Variants in CORIN observed in about 807,000 individuals in gnomAD.
CORIN encodes atrial natriuretic peptide-converting enzyme.
CORIN carries 117 observed loss-of-function variants against 125.3 expected under a neutral mutation model. The ratio of observed to expected loss-of-function variants is 0.93; its 90% CI spans 0.80 to 1.09. CORIN has a LOEUF of 1.09. CORIN is among the 50% of genes least tolerant of loss of function. The pLI is 0.00. For missense variants in CORIN, 1,253 were observed against 1,306.7 expected, an observed-to-expected ratio of 0.96 and a Z score of 0.63; for synonymous variants, 450 against 466.4, an observed-to-expected ratio of 0.96 and a Z score of 0.45.
intron 4 of CORIN, among the ~76,000 whole-genome samples, chr4:47,763,084 ACT>A (rs2109870354): frequency 6.6e-6 from 1 of 151,810 alleles, no homozygotes; most frequent in South Asian, 2.1e-4. Flanking sequence ...TCTTCAAGAA[ACT>A]CTCTTATCAC....
At chr4:47,694,330 AATG>A (rs1257872450) in intron 5 of CORIN, among the ~76,000 whole-genome samples, 8 of 152,166 alleles carry the variant, frequency 5.3e-5, no homozygotes, top group Non-Finnish European at 1.2e-4. Context: ...ATTTTCTTAC[AATG>A]ATGATGTTTT....
At chr4:47,638,401 G>T (rs1671380683) in intron 16 of CORIN, among the ~76,000 whole-genome samples, 1 of 152,110 alleles carries the variant, frequency 6.6e-6, no homozygotes, top group African/African-American at 2.4e-5. Flanking sequence ...AGAATGATAT[G>T]GTTTGGCTGT....
At chr4:47,790,499 C>G (rs1294343807) in intron 2 of CORIN, among the ~76,000 whole-genome samples, 1 of 152,154 alleles carries the variant, frequency 6.6e-6, no homozygotes, top group Non-Finnish European at 1.5e-5. Flanking sequence ...AGTTTTCTCA[C>G]CGTTCAAAGT....
intron 5 of CORIN, among the ~76,000 whole-genome samples, chr4:47,737,653 G>A (rs1728192951): frequency 6.6e-6 from 1 of 152,102 alleles, no homozygotes. Context: ...TTAACACAAA[G>A]GCTGAAGCTT....
intron 2 of CORIN, among the ~76,000 whole-genome samples, chr4:47,789,722 CTATAAAAAT>C (rs1303357764): frequency 6.6e-6 from 1 of 151,910 alleles, no homozygotes; most frequent in Non-Finnish European, 1.5e-5. Context: ...TCATGATGAG[CTATAAAAAT>C]GCTAAGAGGC....
At chr4:47,760,890 A>T (rs972336101) in intron 4 of CORIN, among the ~76,000 whole-genome samples, 4 of 152,202 alleles carry the variant, frequency 2.6e-5, no homozygotes, top group African/African-American at 9.6e-5. Context: ...TTGCACATTT[A>T]TGTCATGGAG....
At chr4:47,692,917 G>T in intron 6 of CORIN, 53 bp downstream of exon 6, 1 of 1,336,670 alleles carries the variant, frequency 7.5e-7, no homozygotes, top group Non-Finnish European at 1.1e-6. Context: ...ATGATTGTCA[G>T]GATTTGAGAA....
chr4:47,807,657 A>G (rs1165624191), intron 1 of CORIN, among the ~76,000 whole-genome samples: 1 of 152,200 alleles, frequency 6.6e-6, no homozygotes. Context: ...TCGGCTGCCC[A>G]TGCTACCCCT....
intron 3 of CORIN, among the ~76,000 whole-genome samples, chr4:47,786,382 G>GA (rs952720904): frequency 6.6e-6 from 1 of 151,084 alleles, no homozygotes. Flanking sequence ...CAAAACTACA[G>GA]AAAAAAAAAT....
rs1474098710 is a variant in CORIN, at chr4:47,643,023, T to G, written c.2068+123A>C. 4 of 1,550,316 alleles carry G rather than the reference T, an allele frequency of 2.6e-6. No individual in the cohort carries two copies. In the East Asian group the frequency reaches 9.7e-5, roughly 37 times the overall value. ...CATAGATCAGCACTATCAGCTTTTA[T>G]AACAGTAAAACAAAATAGATGAACT... On this transcript the variant is annotated intron_variant, in intron 15 of 21. Transcript: ENST00000273857.
At chr4:47,755,046 C>T (rs1007934694) in intron 4 of CORIN, among the ~76,000 whole-genome samples, 22 of 152,122 alleles carry the variant, frequency 1.4e-4, no homozygotes, top group African/African-American at 5.3e-4. Flanking sequence ...GTAAACGGAC[C>T]TGCCTCTCAA....
At chr4:47,834,816 C>T (rs1161277039) in intron 1 of CORIN, among the ~76,000 whole-genome samples, 1 of 152,194 alleles carries the variant, frequency 6.6e-6, no homozygotes, top group East Asian at 1.9e-4. Context: ...AGGGAACCTT[C>T]ACCAGAATAT....
chr4:47,747,711 C>A (rs1015309454), intron 4 of CORIN, among the ~76,000 whole-genome samples: 1 of 152,150 alleles, frequency 6.6e-6, no homozygotes, highest in African/African-American at 2.4e-5. Context: ...CAGTCTATCA[C>A]CCTGCAACTT....
intron 5 of CORIN, among the ~76,000 whole-genome samples, chr4:47,720,434 A>T (rs924126845): frequency 2.6e-5 from 4 of 152,118 alleles, no homozygotes; most frequent in Non-Finnish European, 5.9e-5. Flanking sequence ...TTTTTTTGGT[A>T]CTGTGTTGAG....
chr4:47,653,480 T>G (rs1376126605), intron 13 of CORIN, 73 bp downstream of exon 13: 12 of 1,266,328 alleles, frequency 9.5e-6, no homozygotes, highest in Non-Finnish European at 1.3e-5. Flanking sequence ...ATAGTTTCCA[T>G]TTTTAACACA....
intron 1 of CORIN, among the ~76,000 whole-genome samples, chr4:47,834,423 G>A (rs571061436): frequency 6.6e-6 from 1 of 152,164 alleles, no homozygotes; most frequent in East Asian, 1.9e-4. Context: ...TAGAAGCAGA[G>A]AGTGGAATGG....
chr4:47,611,924 G>A (rs896882333), intron 19 of CORIN, among the ~76,000 whole-genome samples: 5 of 152,130 alleles, frequency 3.3e-5, no homozygotes, highest in Admixed American at 6.5e-5. Context: ...ACTTGATCGT[G>A]GTAGAAAAGC....
intron 2 of CORIN, among the ~76,000 whole-genome samples, chr4:47,806,004 T>G (rs1453105836): frequency 1.3e-5 from 2 of 152,230 alleles, no homozygotes; most frequent in Non-Finnish European, 2.9e-5. Flanking sequence ...TTTTCAAACT[T>G]TAAGTATCAT....
chr4:47,703,688 A>G (rs1726412977), intron 5 of CORIN, among the ~76,000 whole-genome samples: 1 of 152,206 alleles, frequency 6.6e-6, no homozygotes, highest in Non-Finnish European at 1.5e-5. Context: ...AAGGCCCAGT[A>G]TGTTCTGTTT....
Sources: allele counts gnomAD v4.1 joint callset (sites outside exome capture counted in the v4.1 genomes callset), GRCh38; gene constraint gnomAD v4.1.1; transcripts MANE v1.5; gene names NCBI Gene and HGNC (gene_info 2026-07-23, HGNC 2026-07-21).